Variants in GPATCH1 observed in about 807,000 individuals in gnomAD.
The protein encoded by GPATCH1 is G-patch domain containing 1.
Under a neutral mutation model 114.9 loss-of-function variants are expected in GPATCH1, and 73 were observed. The ratio of observed to expected loss-of-function variants is 0.64; its 90% CI spans 0.53 to 0.77. The LOEUF (loss-of-function observed/expected upper bound fraction) is 0.77, where lower values mean the gene tolerates loss of function less well. Among genes scored for constraint, GPATCH1 ranks in the 30% least tolerant of loss-of-function variants. GPATCH1 has a pLI of 0.00. For synonymous variants in GPATCH1, 391 were observed against 428.4 expected, an observed-to-expected ratio of 0.91 and a Z score of 1.08; for missense variants, 1,058 against 1,144.3, an observed-to-expected ratio of 0.92 and a Z score of 1.09.
At position 33,126,647 on chromosome 19, in the gene GPATCH1, AAGTAGT is replaced by A; in HGVS notation, c.2682_2687del (p.Ser896_Ser897del). ...AGCAAAAGAATAAAAAACCAGAGAAAAGTAGTAGCTCCGAGAGTTCCGACAGCAGCG... is the reference window on the plus strand; with the variant it reads ...AGCAAAAGAATAAAAAACCAGAGAAAAGCTCCGAGAGTTCCGACAGCAGCG... On this transcript the variant is annotated inframe_deletion, in exon 19 of 20. Transcript: ENST00000170564. 6.2e-7 allele frequency: 1 copy of A among 1,614,078 alleles called. No homozygotes were observed. The highest frequency in any genetic ancestry group is 8.5e-7 in the Non-Finnish European group (1 of 1,180,004).
intron 1 of GPATCH1, among the ~76,000 whole-genome samples, chr19:33,082,003 C>T (rs1284628976): frequency 1.4e-5 from 2 of 146,186 alleles, no homozygotes; most frequent in African/African-American, 5.0e-5. Context: ...CCACTGTGCT[C>T]GGCCAATTTT....
At chr19:33,094,981 C>A (rs996673674) in intron 5 of GPATCH1, among the ~76,000 whole-genome samples, 1 of 152,072 alleles carries the variant, frequency 6.6e-6, no homozygotes, top group Non-Finnish European at 1.5e-5. Flanking sequence ...CTGGGCAACA[C>A]GGTGAAACCC....
At chr19:33,108,006 C>T (rs189302899) in intron 10 of GPATCH1, among the ~76,000 whole-genome samples, 45 of 152,144 alleles carry the variant, frequency 3.0e-4, no homozygotes, top group African/African-American at 8.4e-4. Flanking sequence ...CCCGCTTCCC[C>T]GGGAGGCCTA....
At chr19:33,109,203 C>T (rs940835441) in intron 10 of GPATCH1, among the ~76,000 whole-genome samples, 11 of 151,702 alleles carry the variant, frequency 7.3e-5, no homozygotes, top group African/African-American at 2.4e-4. Flanking sequence ...GGTGACACAG[C>T]GAGACCATGT....
intron 17 of GPATCH1, among the ~76,000 whole-genome samples, chr19:33,124,889 T>C (rs1000436175): frequency 6.6e-6 from 1 of 152,094 alleles, no homozygotes; most frequent in Non-Finnish European, 1.5e-5. Context: ...AGGTCTTTGT[T>C]GAGGTCTCTG....
chr19:33,084,246 C>T (rs1178134057), intron 1 of GPATCH1, among the ~76,000 whole-genome samples: 5 of 152,158 alleles, frequency 3.3e-5, no homozygotes, highest in African/African-American at 1.2e-4. Context: ...AGGAGAACTC[C>T]ATTTTAATTA....
chr19:33,123,447 A>C (rs1177927084), intron 17 of GPATCH1, among the ~76,000 whole-genome samples: 1 of 150,826 alleles, frequency 6.6e-6, no homozygotes, highest in Admixed American at 6.6e-5. Flanking sequence ...AAGTTTTGGG[A>C]GGTTGAATTT....
Position 33,119,011 on chromosome 19 carries a change from T to C in GPATCH1, c.2415T>C (p.Ala805=). 1 of 1,600,606 alleles carries C rather than the reference T, an allele frequency of 6.2e-7. No homozygotes were observed. Among genetic ancestry groups the C allele is most frequent in the Non-Finnish European group, 8.5e-7 (1 of 1,170,666 alleles). ...DLGETSSVAH[A]LVPAPQEPPP... ...CATGAACACCCCGCTGTTTTTCAGCTCTTGTGCCAGCACCCCAGGAGCCGC... is the reference window on the plus strand; with the variant it reads ...CATGAACACCCCGCTGTTTTTCAGCCCTTGTGCCAGCACCCCAGGAGCCGC... Residue 805 remains alanine, a splice_region_variant and synonymous_variant, in exon 17 of 20, where the codon GCT becomes GCC. Transcript: ENST00000170564.
chr19:33,103,009 C>T (rs1221153478), intron 9 of GPATCH1, among the ~76,000 whole-genome samples: 1 of 152,146 alleles, frequency 6.6e-6, no homozygotes, highest in African/African-American at 2.4e-5. Flanking sequence ...GTCACAGCCA[C>T]ATGTGAAGCT....
At chr19:33,101,437 T>C in intron 8 of GPATCH1, 58 bp from the exon 9 acceptor site, 1 of 939,348 alleles carries the variant, frequency 1.1e-6, no homozygotes, top group Non-Finnish European at 1.7e-6. Context: ...TGCTGATGTG[T>C]TCTGTCTTAT....
At position 33,101,756 on chromosome 19, in the gene GPATCH1, G is replaced by A. The variant is rs376886289; in HGVS notation, c.1080+182G>A. Among the ~76,000 whole-genome samples the A allele has an allele frequency of 7.0e-4, 106 of 152,270 alleles. 3 individuals carry two copies. The highest frequency in any genetic ancestry group is 1.2e-3 in the Admixed American group (18 of 15,280). ...TACATTAGAAATACCAGGGCGAGGC[G>A]CAGTGGCTCATACCTGTAATCCCAG... is the stretch of plus-strand genomic sequence containing the variant. On this transcript the variant is annotated intron_variant, in intron 9 of 19. Transcript: ENST00000170564.
chr19:33,113,679 AG>A, intron 13 of GPATCH1, 87 bp from the exon 14 acceptor site: 2 of 1,106,816 alleles, frequency 1.8e-6, no homozygotes, highest in Non-Finnish European at 1.3e-6. Context: ...CATGCAGAAG[AG>A]GTGGAAAACT....
rs375494513 is a variant in GPATCH1 at position 33,106,769 on chromosome 19, C to T, written c.1155C>T (p.Ser385=). 2.8e-5 allele frequency: 45 copies of T among 1,613,840 alleles called. No homozygotes were observed. Among genetic ancestry groups the T allele is most frequent in the East Asian group, 2.7e-4 (12 of 44,884 alleles). Residue 385 remains serine (S), a synonymous_variant, in exon 10 of 20, where the codon TCC becomes TCT. Coordinates refer to ENST00000170564, the MANE Select transcript of GPATCH1 (RefSeq NM_018025.3). ...HYFRPMVAAT[S]ENSHLLQVLS... ...TCAGACCCATGGTGGCCGCCACCTC[C>T]GAGAACTCACACTTACTGCAGGTAT... is the stretch of plus-strand genomic sequence containing the variant.
chr19:33,087,714 C>T (rs1276053501), intron 1 of GPATCH1, among the ~76,000 whole-genome samples: 1 of 149,304 alleles, frequency 6.7e-6, no homozygotes, highest in Non-Finnish European at 1.5e-5. Context: ...GGAGAAGTCT[C>T]GCTGTGTCTC....
At chr19:33,093,144 C>T (rs1055802200) in intron 3 of GPATCH1, among the ~76,000 whole-genome samples, 1 of 152,134 alleles carries the variant, frequency 6.6e-6, no homozygotes, top group African/African-American at 2.4e-5. Context: ...GCCCAGATTG[C>T]ACCACTGCAC....
At position 33,109,829 on chromosome 19, in the gene GPATCH1, C is replaced by G; in HGVS notation, c.1398C>G (p.Ala466=). Residue 466 remains alanine, a synonymous_variant, in exon 11 of 20, where the codon GCC becomes GCG. Coordinates refer to ENST00000170564, the MANE Select transcript of GPATCH1 (RefSeq NM_018025.3). ...KAAQLKARSL[A]QNAQSSRAQL... ...CTCAGCTCAAGGCCAGGAGTCTGGC[C>G]CAGAACGCTCAGAGCAGCAGAGCCC... 1 of 1,613,974 alleles carries G rather than the reference C, an allele frequency of 6.2e-7. No individual in the cohort carries two copies. Among genetic ancestry groups the G allele is most frequent in the Non-Finnish European group, 8.5e-7 (1 of 1,179,934 alleles).
rs546620771 is a variant in GPATCH1, at chr19:33,090,476, A to G, written c.209-304A>G. The stretch of plus-strand genomic sequence containing the variant: ...GTCCTGCATTTTAAGGTGACCTTGC[A>G]TCTGTCAGCTCAGATCTGCTTGTGT... On this transcript the variant is annotated intron_variant, in intron 2 of 19. Coordinates refer to ENST00000170564, the MANE Select transcript of GPATCH1 (RefSeq NM_018025.3). Among the ~76,000 whole-genome samples the G allele has an allele frequency of 1.9e-4, 29 of 152,298 alleles. No individual in the cohort carries two copies. In the East Asian group the frequency reaches 4.8e-3, roughly 25 times the overall value.
rs1274368461 is a variant in GPATCH1 at position 33,106,817 on chromosome 19, A to T, written c.1203A>T (p.Ala401=). 6 of 1,613,898 alleles carry T rather than the reference A, an allele frequency of 3.7e-6. No individual in the cohort carries two copies. The African/African-American group carries it at 5.3e-5, about 14-fold the overall frequency. ...LQVLSESAGK[A]TPDPGTHSKH... ...TATTATCAGAGTCAGCTGGAAAGGC[A>T]ACGCCTGACCCAGGGACACACAGTA... is the stretch of plus-strand genomic sequence containing the variant. The change falls in exon 10 of 20, where the codon GCA becomes GCT. Residue 401 remains alanine, a synonymous_variant. Transcript: ENST00000170564.
chr19:33,104,676 C>T (rs1223148129), intron 9 of GPATCH1, among the ~76,000 whole-genome samples: 5 of 152,114 alleles, frequency 3.3e-5, no homozygotes, highest in South Asian at 2.1e-4. Flanking sequence ...TACAACTCCT[C>T]AGGCGAGTCC....
Sources: allele counts gnomAD v4.1 joint callset (sites outside exome capture counted in the v4.1 genomes callset), GRCh38; gene constraint gnomAD v4.1.1; transcripts MANE v1.5; gene names NCBI Gene and HGNC (gene_info 2026-07-23, HGNC 2026-07-21).